AKT3: variants seen among roughly 807,000 people sequenced by gnomAD.
AKT3 encodes RAC-gamma serine/threonine-protein kinase.
AKT3 carries 15 observed loss-of-function variants against 65.3 expected under a neutral mutation model. The observed-to-expected ratio is 0.23, with a 90% CI of 0.15 to 0.35. The LOEUF (loss-of-function observed/expected upper bound fraction) is 0.35. Ranked by LOEUF, AKT3 falls within the 10% of genes least tolerant of loss-of-function variation. The pLI, the probability that AKT3 is intolerant of heterozygous loss-of-function variation, is 1.00. For missense variants in AKT3, 243 were observed against 576.5 expected (o/e 0.42, Z 5.92); for synonymous variants, 206 against 183.8 (o/e 1.12, Z -0.98).
At chr1:243,721,276 C>G (rs544186396) in intron 2 of AKT3, among the ~76,000 whole-genome samples, 1 of 152,238 alleles carries the variant, frequency 6.6e-6, no homozygotes, top group South Asian at 2.1e-4. Flanking sequence ...GGGGTCCTGT[C>G]CCATACCTGG....
chr1:243,583,195 T>TGCAC (rs1553409168), intron 8 of AKT3, among the ~76,000 whole-genome samples: 1 of 88,326 alleles, frequency 1.1e-5, no homozygotes, highest in South Asian at 4.2e-4. Context: ...TATATATATA[T>TGCAC]ACACACACAC....
chr1:243,634,122 A>G (rs2147799977), intron 6 of AKT3, among the ~76,000 whole-genome samples: 1 of 152,206 alleles, frequency 6.6e-6, no homozygotes, highest in East Asian at 1.9e-4. Context: ...ATAGCATAGT[A>G]TTTGCATATA....
chr1:243,675,623 C>T (rs1261647200), intron 3 of AKT3, among the ~76,000 whole-genome samples: 16 of 152,246 alleles, frequency 1.1e-4, no homozygotes, highest in Admixed American at 1.0e-3. Flanking sequence ...GCCTTTGTTA[C>T]CCATGCCTTA....
intron 10 of AKT3, among the ~76,000 whole-genome samples, chr1:243,558,727 C>T (rs1203062908): frequency 6.6e-6 from 1 of 152,002 alleles, no homozygotes; most frequent in Non-Finnish European, 1.5e-5. Flanking sequence ...CCAAAACCAC[C>T]TTATTCAACC....
At chr1:243,737,218 C>T (rs1488230279) in intron 2 of AKT3, among the ~76,000 whole-genome samples, 3 of 152,206 alleles carry the variant, frequency 2.0e-5, no homozygotes, top group Non-Finnish European at 2.9e-5. Flanking sequence ...GGACAAGTCA[C>T]TTTATTTCTC....
chr1:243,718,695 G>A (rs896253598), intron 2 of AKT3, among the ~76,000 whole-genome samples: 12 of 151,484 alleles, frequency 7.9e-5, no homozygotes, highest in Non-Finnish European at 1.6e-4. Context: ...GGATGGTCTC[G>A]ATCTCCTGAC....
Position 243,706,786 on chromosome 1 carries a change from C to T in AKT3, c.47-11070G>A, listed in dbSNP as rs1178744216. Among the ~76,000 whole-genome samples the T allele has an allele frequency of 3.9e-5, 6 of 152,174 alleles. No individual in the cohort carries two copies. In the East Asian group the frequency reaches 9.6e-4, roughly 24 times the overall value. On this transcript the variant is annotated intron_variant, in intron 2 of 13. Transcript: ENST00000673466. ...CTGTGCTCAGGCTTCACTTACAGAG[C>T]CCTCTTCACAGCAACACTGAGACTG...
chr1:243,611,177 C>G (rs1256328677), intron 8 of AKT3, among the ~76,000 whole-genome samples: 1 of 152,178 alleles, frequency 6.6e-6, no homozygotes, highest in Non-Finnish European at 1.5e-5. Context: ...AAAACTGCAT[C>G]CACAGTTTTG....
chr1:243,583,224 C>CAT (rs1344058815), intron 8 of AKT3, among the ~76,000 whole-genome samples: 11 of 131,756 alleles, frequency 8.3e-5, no homozygotes, highest in Admixed American at 6.1e-4. Context: ...ATATATCTTC[C>CAT]ATATATATAT....
intron 1 of AKT3, among the ~76,000 whole-genome samples, chr1:243,846,185 T>C (rs1329837996): frequency 6.6e-6 from 1 of 152,098 alleles, no homozygotes; most frequent in African/African-American, 2.4e-5. Flanking sequence ...TGGGCTAAGC[T>C]CCATTATTGG....
intron 3 of AKT3, among the ~76,000 whole-genome samples, chr1:243,677,792 A>C (rs1317611083): frequency 2.0e-5 from 3 of 152,300 alleles, no homozygotes; most frequent in South Asian, 2.1e-4. Flanking sequence ...ATTCCATTAA[A>C]ATCAACTATA....
At chr1:243,574,445 A>T (rs1282420873) in intron 8 of AKT3, among the ~76,000 whole-genome samples, 2 of 152,138 alleles carry the variant, frequency 1.3e-5, no homozygotes, top group Admixed American at 6.6e-5. Context: ...GTATTTTATC[A>T]AATCTCATAT....
At chr1:243,832,559 A>G (rs953242204) in intron 2 of AKT3, among the ~76,000 whole-genome samples, 4 of 152,244 alleles carry the variant, frequency 2.6e-5, no homozygotes, top group African/African-American at 9.6e-5. Flanking sequence ...AAGGCAGTAG[A>G]AAAGCTGCAA....
intron 2 of AKT3, among the ~76,000 whole-genome samples, chr1:243,779,942 A>C (rs1446413104): frequency 6.6e-6 from 1 of 152,134 alleles, no homozygotes; most frequent in Non-Finnish European, 1.5e-5. Flanking sequence ...TAACCCATTG[A>C]GTAAGACAGA....
intron 2 of AKT3, among the ~76,000 whole-genome samples, chr1:243,704,213 C>T (rs1685648862): frequency 6.6e-6 from 1 of 152,130 alleles, no homozygotes; most frequent in African/African-American, 2.4e-5. Flanking sequence ...CTTTAAACAT[C>T]TTTACTTAGA....
chr1:243,781,348 G>C (rs1311570536), intron 2 of AKT3, among the ~76,000 whole-genome samples: 1 of 152,006 alleles, frequency 6.6e-6, no homozygotes, highest in Non-Finnish European at 1.5e-5. Context: ...CATATACAAT[G>C]CTGTAAAAAT....
chr1:243,491,753 T>C (rs899080047), intron 13 of AKT3, among the ~76,000 whole-genome samples: 10 of 152,204 alleles, frequency 6.6e-5, no homozygotes, highest in Admixed American at 4.6e-4. Flanking sequence ...GCCTGAGGGC[T>C]CCGGAGTGCT....
intron 6 of AKT3, among the ~76,000 whole-genome samples, chr1:243,625,847 T>C (rs558533632): frequency 6.6e-6 from 1 of 152,290 alleles, no homozygotes; most frequent in East Asian, 1.9e-4. Flanking sequence ...CAATCATGGA[T>C]TGTTGTACAT....
At chr1:243,796,650 G>A (rs1692027927) in intron 2 of AKT3, among the ~76,000 whole-genome samples, 1 of 152,012 alleles carries the variant, frequency 6.6e-6, no homozygotes, top group Admixed American at 6.5e-5. Flanking sequence ...CCAGTTTATT[G>A]CTATCTCAGG....
Sources: allele counts gnomAD v4.1 joint callset (sites outside exome capture counted in the v4.1 genomes callset), GRCh38; gene constraint gnomAD v4.1.1; transcripts MANE v1.5; gene names NCBI Gene and HGNC (gene_info 2026-07-23, HGNC 2026-07-21).